Variants in PTCHD4 observed in about 807,000 individuals in gnomAD.
The protein encoded by PTCHD4 is patched domain containing 4.
PTCHD4 carries 33 observed loss-of-function variants against 58.1 expected under a neutral mutation model. The ratio of observed to expected loss-of-function variants is 0.57; its 90% CI spans 0.43 to 0.76. The LOEUF (loss-of-function observed/expected upper bound fraction) is 0.76, where lower values mean the gene tolerates loss of function less well. Among genes scored for constraint, PTCHD4 ranks in the 30% least tolerant of loss-of-function variants. The pLI, the probability that PTCHD4 is intolerant of heterozygous loss-of-function variation, is 0.00. For synonymous variants in PTCHD4, 478 were observed against 409.6 expected (o/e 1.17, Z -2.02); for missense variants, 1,058 against 1,027.1 (o/e 1.03, Z -0.41).
intron 1 of PTCHD4, among the ~76,000 whole-genome samples, chr6:48,089,244 C>T (rs1290451698): frequency 6.6e-6 from 1 of 152,108 alleles, no homozygotes; most frequent in Non-Finnish European, 1.5e-5. Context: ...CTAAAGCAGA[C>T]ATGGTTTTAG....
chr6:47,957,662 G>A (rs541938207), intron 4 of PTCHD4, among the ~76,000 whole-genome samples: 14 of 150,194 alleles, frequency 9.3e-5, no homozygotes, highest in African/African-American at 1.5e-4. Flanking sequence ...GTGCAGTGAC[G>A]CAATCTTGGC....
chr6:48,049,912 C>T (rs1764171108), intron 3 of PTCHD4, among the ~76,000 whole-genome samples: 2 of 150,470 alleles, frequency 1.3e-5, no homozygotes, highest in Admixed American at 1.3e-4. Flanking sequence ...CAGTTTCCCC[C>T]AGTCAAAATT....
chr6:47,906,668 A>C (rs1764897953), intron 4 of PTCHD4, among the ~76,000 whole-genome samples: 1 of 152,224 alleles, frequency 6.6e-6, no homozygotes, highest in Non-Finnish European at 1.5e-5. Flanking sequence ...TCTTCTACCC[A>C]GGATAAAATC....
chr6:47,883,120 A>T (rs947110848), intron 4 of PTCHD4, among the ~76,000 whole-genome samples: 1 of 152,050 alleles, frequency 6.6e-6, no homozygotes, highest in African/African-American at 2.4e-5. Context: ...CTTTCATTCA[A>T]TGCAATATAT....
At chr6:48,031,515 G>A (rs967029807) in intron 3 of PTCHD4, among the ~76,000 whole-genome samples, 10 of 152,050 alleles carry the variant, frequency 6.6e-5, no homozygotes, top group Admixed American at 1.3e-4. Context: ...TCATTAACAG[G>A]ATAAAAATGG....
intron 4 of PTCHD4, among the ~76,000 whole-genome samples, chr6:47,948,603 C>G (rs988034504): frequency 6.6e-6 from 1 of 152,154 alleles, no homozygotes; most frequent in Admixed American, 6.5e-5. Context: ...GCTGAAATTT[C>G]TTCTGTTCTC....
rs752266464 is a variant in PTCHD4, at chr6:48,068,530, C to T, written c.117G>A (p.Pro39=). Reference sequence around the variant, plus strand: ...CTGCGGGCACGGTGAGGAAAAAGACCGGGTGCCGGCTCACGCACAAACCCA... The same window carrying T: ...CTGCGGGCACGGTGAGGAAAAAGACTGGGTGCCGGCTCACGCACAAACCCA... ...HRLGLCVSRH[P]VFFLTVPAVL... is the part of the protein sequence containing the mutation. The change falls in exon 3 of 5, where the codon CCG becomes CCA. Residue 39 remains proline, a synonymous_variant. Coordinates refer to ENST00000339488, the MANE Select transcript of PTCHD4 (RefSeq NM_001384253.1). This position sits in a 1 kb window ranked among gnomAD's most constrained non-coding sequence, Gnocchi z 4.2. The T allele has an allele frequency of 6.2e-7, 1 of 1,610,828 alleles. No homozygotes were observed. Among genetic ancestry groups the T allele is most frequent in the East Asian group, 2.2e-5 (1 of 44,798 alleles).
rs1049775464 is a variant in PTCHD4 at position 47,876,990 on chromosome 6, T to G, written c.*1313A>C. On this transcript the variant is annotated 3_prime_UTR_variant, in exon 5 of 5. Transcript: ENST00000339488. ...TTTCCAGGTAACAAGAGCAACACTATTGTGAGAAGCTACAAATGGTACTGC... is the reference window on the plus strand; with the variant it reads ...TTTCCAGGTAACAAGAGCAACACTAGTGTGAGAAGCTACAAATGGTACTGC... Among the ~76,000 whole-genome samples the G allele has an allele frequency of 6.6e-6, 1 of 151,998 alleles. No individual in the cohort carries two copies. The highest frequency in any genetic ancestry group is 1.5e-5 in the Non-Finnish European group (1 of 67,942).
At chr6:47,893,077 C>T (rs1388160689) in intron 4 of PTCHD4, among the ~76,000 whole-genome samples, 2 of 152,188 alleles carry the variant, frequency 1.3e-5, no homozygotes, top group East Asian at 3.9e-4. Context: ...GTGGTGCGAT[C>T]TTGGCTCACT....
At chr6:47,907,916 T>C (rs1764953054) in intron 4 of PTCHD4, among the ~76,000 whole-genome samples, 2 of 152,054 alleles carry the variant, frequency 1.3e-5, no homozygotes, top group Admixed American at 6.6e-5. Context: ...CCTCTATCAA[T>C]TAGTTAGAAG....
intron 4 of PTCHD4, among the ~76,000 whole-genome samples, chr6:47,937,362 G>T (rs1419797276): frequency 2.0e-5 from 3 of 152,144 alleles, no homozygotes; most frequent in African/African-American, 7.2e-5. Context: ...TGAGGGTGTG[G>T]CCACGTTTTG....
In PTCHD4 at chr6:47,876,129, A is replaced by T. The variant is rs73475593; in HGVS notation, c.*2174T>A. Among the ~76,000 whole-genome samples the T allele has an allele frequency of 8.8e-3, 1,330 of 151,842 alleles. 18 individuals are homozygous for T. The highest frequency in any genetic ancestry group is 0.03 in the African/African-American group (1,256 of 41,436). ...AACCCAACCAAAAACCTCCTCTGAAACTTCTACTTCAGATATGAGATCATG... is the reference window on the plus strand; with the variant it reads ...AACCCAACCAAAAACCTCCTCTGAATCTTCTACTTCAGATATGAGATCATG... On this transcript the variant is annotated 3_prime_UTR_variant, in exon 5 of 5. Coordinates refer to ENST00000339488, the MANE Select transcript of PTCHD4 (RefSeq NM_001384253.1).
intron 4 of PTCHD4, among the ~76,000 whole-genome samples, chr6:47,895,965 G>A (rs571537590): frequency 2.0e-5 from 3 of 152,196 alleles, no homozygotes; most frequent in African/African-American, 7.2e-5. Flanking sequence ...CCTTTGATTT[G>A]CCCCTCAGCA....
intron 4 of PTCHD4, among the ~76,000 whole-genome samples, chr6:47,946,961 A>T (rs1289403333): frequency 6.6e-6 from 1 of 152,038 alleles, no homozygotes; most frequent in Non-Finnish European, 1.5e-5. Context: ...CTCCCACTTC[A>T]GCCCCCTGAG....
At position 47,878,731 on chromosome 6, in the gene PTCHD4, A is replaced by C. The variant is rs755404982; in HGVS notation, c.2104T>G (p.Leu702Val). The C allele has an allele frequency of 1.4e-5, 22 of 1,613,640 alleles. No individual in the cohort carries two copies. Among genetic ancestry groups the C allele is most frequent in the Non-Finnish European group, 1.9e-5 (22 of 1,179,766 alleles). Reference sequence around the variant, plus strand: ...ATGCAATCCATGTCGACGTTCCATAATGTCATTAAGCCCAGAACGCCCAGC... The same window carrying C: ...ATGCAATCCATGTCGACGTTCCATACTGTCATTAAGCCCAGAACGCCCAGC... The part of the protein sequence containing the change: ...IELGVLGLMT[L>V]WNVDMDCISI... Residue 702 changes from leucine to valine, a missense_variant, in exon 5 of 5, where the codon TTA becomes GTA. Transcript: ENST00000339488.
intron 3 of PTCHD4, among the ~76,000 whole-genome samples, chr6:48,016,643 T>C (rs1449855522): frequency 6.6e-6 from 1 of 151,680 alleles, no homozygotes; most frequent in Admixed American, 6.6e-5. Flanking sequence ...AAAAAAAAAA[T>C]CTTGGGTTCG....
At chr6:48,099,357 T>C (rs1765548580) in intron 1 of PTCHD4, among the ~76,000 whole-genome samples, 1 of 152,194 alleles carries the variant, frequency 6.6e-6, no homozygotes, top group African/African-American at 2.4e-5. Context: ...CTTGGTATCA[T>C]TGCTGTTTGC....
intron 3 of PTCHD4, among the ~76,000 whole-genome samples, chr6:48,010,435 G>C (rs1192739224): frequency 6.6e-6 from 1 of 152,048 alleles, no homozygotes; most frequent in Non-Finnish European, 1.5e-5. Context: ...GTTTAGCTCA[G>C]ACACTTATAT....
intron 1 of PTCHD4, among the ~76,000 whole-genome samples, chr6:48,070,147 GTGTGTGTGTA>G (rs746587818): frequency 1.6e-3 from 243 of 148,066 alleles, no homozygotes; most frequent in Admixed American, 2.3e-3. Context: ...GTGTGTGTGT[GTGTGTGTGTA>G]TATATATATA....
Sources: allele counts gnomAD v4.1 joint callset (sites outside exome capture counted in the v4.1 genomes callset), GRCh38; gene constraint gnomAD v4.1.1; non-coding constraint Gnocchi (gnomAD v3.1); transcripts MANE v1.5; gene names NCBI Gene and HGNC (gene_info 2026-07-23, HGNC 2026-07-21).